C10orf143: variants seen among roughly 807,000 people sequenced by gnomAD.
The protein encoded by C10orf143 is chromosome 10 open reading frame 143, also known as uncharacterized protein C10orf143.
chr10:130,083,821 A>G (rs1861246073), intron 1 of C10orf143, among the ~76,000 whole-genome samples: 1 of 152,170 alleles, frequency 6.6e-6, no homozygotes, highest in Non-Finnish European at 1.5e-5. Context: ...GGGAACAGAA[A>G]TGAAGAGGGA....
intron 3 of C10orf143, among the ~76,000 whole-genome samples, chr10:130,043,794 G>A (rs1387302336): frequency 1.3e-5 from 2 of 152,230 alleles, no homozygotes; most frequent in African/African-American, 4.8e-5. Context: ...CAAGGGCACC[G>A]TCCATCCTGA....
intron 3 of C10orf143, among the ~76,000 whole-genome samples, chr10:130,071,105 G>T (rs983625096): frequency 4.6e-5 from 7 of 152,144 alleles, no homozygotes; most frequent in African/African-American, 1.7e-4. Context: ...TTTTAGTAGA[G>T]ATGAGGTTTC....
intron 3 of C10orf143, among the ~76,000 whole-genome samples, chr10:130,037,051 C>A (rs1860552761): frequency 6.6e-6 from 1 of 152,046 alleles, no homozygotes; most frequent in African/African-American, 2.4e-5. Context: ...CAGGGATGCA[C>A]CTGGTACAAG....
intron 3 of C10orf143, among the ~76,000 whole-genome samples, chr10:130,046,493 A>C (rs1373458229): frequency 2.0e-5 from 3 of 152,174 alleles, no homozygotes; most frequent in Non-Finnish European, 4.4e-5. Context: ...CTGCCGTAAG[A>C]GTCTCGGGGT....
chr10:130,044,131 C>T (rs991258403), intron 3 of C10orf143, among the ~76,000 whole-genome samples: 3 of 152,144 alleles, frequency 2.0e-5, no homozygotes, highest in Non-Finnish European at 2.9e-5. Flanking sequence ...AACATGTGAA[C>T]CTGGTCAGGA....
At chr10:130,073,509 G>C (rs1399267416) in intron 3 of C10orf143, among the ~76,000 whole-genome samples, 1 of 152,106 alleles carries the variant, frequency 6.6e-6, no homozygotes, top group Non-Finnish European at 1.5e-5. Context: ...GTGCAATCTA[G>C]GACCAAACCC....
chr10:130,073,510 G>A (rs1348362403), intron 3 of C10orf143, among the ~76,000 whole-genome samples: 5 of 152,042 alleles, frequency 3.3e-5, no homozygotes, highest in Non-Finnish European at 5.9e-5. Context: ...TGCAATCTAG[G>A]ACCAAACCCA....
intron 3 of C10orf143, among the ~76,000 whole-genome samples, chr10:130,043,005 T>C (rs184471010): frequency 1.2e-3 from 180 of 152,292 alleles, no homozygotes; most frequent in African/African-American, 3.9e-3. Context: ...TCGGAGACAG[T>C]GCGGAAGCAA....
intron 3 of C10orf143, among the ~76,000 whole-genome samples, chr10:130,075,047 C>T (rs1052112582): frequency 4.0e-5 from 6 of 151,666 alleles, no homozygotes; most frequent in East Asian, 1.9e-4. Flanking sequence ...GTGAATAATA[C>T]GGAGGCTTAT....
chr10:130,099,673 G>A (rs555436136), intron 1 of C10orf143, among the ~76,000 whole-genome samples: 26 of 151,484 alleles, frequency 1.7e-4, no homozygotes, highest in African/African-American at 6.1e-4. Context: ...CATAGCTGGG[G>A]ACTACAGCCG....
At chr10:130,037,998 T>C (rs753516556) in intron 3 of C10orf143, among the ~76,000 whole-genome samples, 31 of 152,246 alleles carry the variant, frequency 2.0e-4, no homozygotes, top group Non-Finnish European at 3.8e-4. Flanking sequence ...CATTTTTCCA[T>C]GTACAGAGAC....
chr10:130,105,565 T>C (rs981379760), intron 1 of C10orf143, among the ~76,000 whole-genome samples: 5 of 152,096 alleles, frequency 3.3e-5, no homozygotes, highest in African/African-American at 4.8e-5. Context: ...ACCTCATCTC[T>C]ACTAAAAATA....
chr10:130,093,141 A>G (rs903205658), intron 1 of C10orf143, among the ~76,000 whole-genome samples: 4 of 152,220 alleles, frequency 2.6e-5, no homozygotes, highest in African/African-American at 9.6e-5. Context: ...CATTGCACTT[A>G]TTCTAAAATT....
At chr10:130,102,239 G>C (rs1266666674) in intron 1 of C10orf143, among the ~76,000 whole-genome samples, 1 of 151,930 alleles carries the variant, frequency 6.6e-6, no homozygotes, top group Non-Finnish European at 1.5e-5. Flanking sequence ...TGAGTGAAGA[G>C]TTCTATAAAT....
intron 3 of C10orf143, among the ~76,000 whole-genome samples, chr10:130,046,361 C>G (rs946413463): frequency 6.6e-6 from 1 of 152,016 alleles, no homozygotes; most frequent in African/African-American, 2.4e-5. Flanking sequence ...GCGCCTCCCC[C>G]GGGACCTGCT....
intron 3 of C10orf143, among the ~76,000 whole-genome samples, chr10:130,051,579 AAG>A (rs1342371849): frequency 1.6e-4 from 2 of 12,532 alleles, no homozygotes; most frequent in African/African-American, 7.2e-4. Context: ...CCACCTAGTT[AAG>A]AGTCTCATCT....
intron 3 of C10orf143, among the ~76,000 whole-genome samples, chr10:130,072,670 G>A (rs78683405): frequency 0.025 from 3,769 of 151,920 alleles, 80 homozygotes; most frequent in Non-Finnish European, 0.036. Context: ...ATAACTACAG[G>A]ATACTTCAGA....
chr10:130,105,025 T>C (rs1306877298), intron 1 of C10orf143: 1 of 152,138 alleles, frequency 6.6e-6, no homozygotes, highest in African/African-American at 2.4e-5. Flanking sequence ...GCCTCACGAG[T>C]TGAAGCAATT....
At chr10:130,042,554 C>T (rs1347953801) in intron 3 of C10orf143, among the ~76,000 whole-genome samples, 1 of 152,224 alleles carries the variant, frequency 6.6e-6, no homozygotes, top group Admixed American at 6.5e-5. Flanking sequence ...CTCAGCCCCT[C>T]GGATGGGAGA....
Sources: gnomAD v4.1 joint callset for allele counts (sites outside exome capture counted in the v4.1 genomes callset) on GRCh38, gnomAD v4.1.1 for gene constraint, MANE v1.5 for transcripts, NCBI Gene and HGNC (gene_info 2026-07-23, HGNC 2026-07-21) for gene names.